PCDH15: variants seen among roughly 807,000 people sequenced by gnomAD.
The protein encoded by PCDH15 is protocadherin related 15.
Under a neutral mutation model 178.5 loss-of-function variants are expected in PCDH15, and 129 were observed. The observed-to-expected ratio is 0.72, with a 90% CI of 0.63 to 0.84. The LOEUF is 0.84. Ranked by LOEUF, PCDH15 falls within the 40% of genes least tolerant of loss-of-function variation. The probability of loss-of-function intolerance (pLI) is 0.00; values close to 1 mark genes in which losing one functional copy is unlikely to be tolerated. For synonymous variants in PCDH15, 800 were observed against 732.0 expected (o/e 1.09, Z -1.50); for missense variants, 2,230 against 2,099.9 (o/e 1.06, Z -1.21).
At chr10:53,912,145 C>T (rs1417792300) in intron 25 of PCDH15, among the ~76,000 whole-genome samples, 2 of 152,150 alleles carry the variant, frequency 1.3e-5, no homozygotes, top group African/African-American at 2.4e-5. Flanking sequence ...GTTCAACATA[C>T]ACAAATCAAT....
At chr10:54,581,302 G>A (rs187497005) in intron 2 of PCDH15, among the ~76,000 whole-genome samples, 2 of 152,106 alleles carry the variant, frequency 1.3e-5, no homozygotes, top group Admixed American at 1.3e-4. Flanking sequence ...TGTTCAAGTG[G>A]AGAGTCAAAT....
At chr10:54,378,971 CAT>C in intron 3 of PCDH15, 29 bp from the exon 4 acceptor site, 1 of 1,612,102 alleles carries the variant, frequency 6.2e-7, no homozygotes, top group Non-Finnish European at 8.5e-7. Flanking sequence ...TACTTGAAAA[CAT>C]ATTCTACTCA....
chr10:54,949,932 A>G (rs973929542), intron 2 of PCDH15, among the ~76,000 whole-genome samples: 1 of 152,012 alleles, frequency 6.6e-6, no homozygotes, highest in Non-Finnish European at 1.5e-5. Flanking sequence ...TTTTGGTCAA[A>G]GCCATTCAAC....
intron 33 of PCDH15, among the ~76,000 whole-genome samples, chr10:53,819,091 G>T (rs778098716): frequency 3.9e-5 from 6 of 151,972 alleles, no homozygotes; most frequent in Admixed American, 2.0e-4. Context: ...TTATAAGACT[G>T]ATAATTCTTC....
At chr10:54,219,519 G>C (rs1452928620) in intron 9 of PCDH15, among the ~76,000 whole-genome samples, 3 of 149,150 alleles carry the variant, frequency 2.0e-5, no homozygotes, top group Non-Finnish European at 4.5e-5. Flanking sequence ...TGCGAACCTG[G>C]GAGGTGGAGC....
intron 2 of PCDH15, among the ~76,000 whole-genome samples, chr10:54,899,119 T>A (rs1954598524): frequency 6.6e-6 from 1 of 152,172 alleles, no homozygotes; most frequent in South Asian, 2.1e-4. Context: ...TTCAGCTGTA[T>A]GAAGTTCCTG....
intron 2 of PCDH15, among the ~76,000 whole-genome samples, chr10:54,962,567 G>A (rs1838683942): frequency 6.6e-6 from 1 of 152,166 alleles, no homozygotes; most frequent in African/African-American, 2.4e-5. Flanking sequence ...GGGTACCACA[G>A]TGTTCCCCTC....
At chr10:54,626,962 G>A (rs899333579) in intron 2 of PCDH15, among the ~76,000 whole-genome samples, 2 of 152,182 alleles carry the variant, frequency 1.3e-5, no homozygotes, top group African/African-American at 2.4e-5. Flanking sequence ...TGTGAGACAT[G>A]GATTTAAAGG....
At chr10:55,044,597 C>T (rs532262193) in intron 2 of PCDH15, among the ~76,000 whole-genome samples, 5 of 152,116 alleles carry the variant, frequency 3.3e-5, no homozygotes, top group South Asian at 4.1e-4. Context: ...GTAAAAGGTT[C>T]GGTTCCCATG....
At chr10:54,585,228 A>G (rs935387676) in intron 2 of PCDH15, among the ~76,000 whole-genome samples, 10 of 152,040 alleles carry the variant, frequency 6.6e-5, no homozygotes, top group Non-Finnish European at 1.5e-4. Context: ...AAGCTGAACA[A>G]CCTTAATTGG....
intron 2 of PCDH15, among the ~76,000 whole-genome samples, chr10:55,334,236 ATATATATGTGTG>A (rs1300878470): frequency 2.8e-5 from 3 of 105,378 alleles, no homozygotes; most frequent in African/African-American, 5.2e-5. Context: ...ATATATATAT[ATATATATGTGTG>A]TGTGTGTGTG....
chr10:55,188,984 T>C (rs1345550282), intron 1 of PCDH15, among the ~76,000 whole-genome samples: 1 of 151,918 alleles, frequency 6.6e-6, no homozygotes, highest in African/African-American at 2.4e-5. Flanking sequence ...GAAAAATAAT[T>C]ATTCATATCA....
intron 1 of PCDH15, 148 bp from the exon 2 acceptor site, chr10:54,664,438 T>C (rs944120646): frequency 9.5e-6 from 6 of 630,906 alleles, no homozygotes; most frequent in African/African-American, 9.1e-5. Flanking sequence ...ACACACTGGT[T>C]TAATGCACTG....
At chr10:55,324,534 C>T (rs1433074651), upstream of PCDH15, among the ~76,000 whole-genome samples, 2 of 151,914 alleles carry the variant, frequency 1.3e-5, no homozygotes, top group Non-Finnish European at 2.9e-5. Context: ...ACTAAGTATC[C>T]TAAATAGGCA....
intron 2 of PCDH15, among the ~76,000 whole-genome samples, chr10:54,614,608 T>G (rs1000931372): frequency 6.6e-6 from 1 of 152,082 alleles, no homozygotes; most frequent in African/African-American, 2.4e-5. Context: ...ATTAAATGTT[T>G]AAACATAATA....
chr10:55,333,344 G>A lies in PCDH15; in HGVS notation c.-155-166693C>T, dbSNP rs1458858066. Among the ~76,000 whole-genome samples the A allele has an allele frequency of 8.5e-5, 13 of 152,074 alleles. No individual in the cohort carries two copies. In the East Asian group the frequency reaches 1.9e-3, roughly 23 times the overall value. On this transcript the variant is annotated intron_variant, in intron 2 of 5. Transcript: ENST00000613346. Reference sequence around the variant, plus strand: ...TGAGACTGGCAAAACTCAAAGTAAGGGGAACTGTACAGTACAAATCATCTT... The same window carrying A: ...TGAGACTGGCAAAACTCAAAGTAAGAGGAACTGTACAGTACAAATCATCTT...
At chr10:54,632,071 C>T (rs1165795982) in intron 2 of PCDH15, among the ~76,000 whole-genome samples, 9 of 152,062 alleles carry the variant, frequency 5.9e-5, no homozygotes, top group African/African-American at 2.2e-4. Flanking sequence ...AAATGTAGTA[C>T]ATATACACCA....
At chr10:55,566,250 T>G (rs561284012) in intron 2 of PCDH15, among the ~76,000 whole-genome samples, 4 of 151,714 alleles carry the variant, frequency 2.6e-5, no homozygotes, top group African/African-American at 7.2e-5. Flanking sequence ...TGGCAAAATT[T>G]TATACCCTTT....
chr10:54,812,491 A>C (rs1361907690), intron 3 of PCDH15, among the ~76,000 whole-genome samples: 1 of 150,312 alleles, frequency 6.7e-6, no homozygotes, highest in Non-Finnish European at 1.5e-5. Flanking sequence ...ACGGAGTTTC[A>C]CTCTGTCGCC....
Sources: allele counts gnomAD v4.1 joint callset (sites outside exome capture counted in the v4.1 genomes callset), GRCh38; gene constraint gnomAD v4.1.1; transcripts MANE v1.5; gene names NCBI Gene and HGNC (gene_info 2026-07-23, HGNC 2026-07-21).